The following C2orf49 variants were observed in gnomAD, a reference collection of about 807,000 sequenced individuals.
C2orf49 encodes tRNA-splicing ligase complex subunit ASW.
Under a neutral mutation model 20.6 loss-of-function variants are expected in C2orf49, and 11 were observed. The observed-to-expected ratio is 0.53, with a 90% confidence interval of 0.34 to 0.88. The LOEUF is 0.88. C2orf49 is among the 40% of genes least tolerant of loss of function. The pLI, the probability that C2orf49 is intolerant of heterozygous loss-of-function variation, is 0.02. For synonymous variants in C2orf49, 134 were observed against 108.5 expected, an observed-to-expected ratio of 1.24 and a Z score of -1.46; for missense variants, 289 against 274.2, an observed-to-expected ratio of 1.05 and a Z score of -0.38.
In C2orf49 at chr2:105,342,834, C is replaced by A; in HGVS notation, c.267-14C>A. 6.3e-7 allele frequency: 1 copy of A among 1,594,204 alleles called. No individual in the cohort carries two copies. Among genetic ancestry groups the A allele is most frequent in the South Asian group, 1.1e-5 (1 of 89,400 alleles). On this transcript the variant is annotated splice_polypyrimidine_tract_variant and intron_variant, in intron 2 of 3. Coordinates refer to ENST00000258457, the MANE Select transcript of C2orf49 (RefSeq NM_024093.3). ...CAGATGGTATTTTTCAAGAGTGCATCTCTTTGATTTCAGGAGTAGCACTGT... is the reference window on the plus strand; with the variant it reads ...CAGATGGTATTTTTCAAGAGTGCATATCTTTGATTTCAGGAGTAGCACTGT...
At chr2:105,357,742 T>C in the C2orf49 span, 1 of 152,150 alleles carries the variant, frequency 6.6e-6, no homozygotes, top group Non-Finnish European at 1.5e-5. Flanking sequence ...TGATCCACAG[T>C]TGGTTGAATC....
the C2orf49 span, chr2:105,373,453 C>A: frequency 8.0e-7 from 1 of 1,250,310 alleles, no homozygotes; most frequent in Non-Finnish European, 1.2e-6. Context: ...ACTGGAAAGT[C>A]AACACGAGTG....
the C2orf49 span, among the ~76,000 whole-genome samples, chr2:105,368,528 G>T: frequency 6.6e-6 from 1 of 152,106 alleles, no homozygotes; most frequent in South Asian, 2.1e-4. Context: ...ATCCCATTTA[G>T]TAATTGCCTA....
chr2:105,341,825 TA>T (rs1679678331), intron 2 of C2orf49, among the ~76,000 whole-genome samples: 2 of 152,224 alleles, frequency 1.3e-5, no homozygotes, highest in Non-Finnish European at 2.9e-5. Context: ...GTGGCAGGGC[TA>T]AAATGTTCTT....
At chr2:105,352,883 G>A (rs1679972983), downstream of C2orf49, among the ~76,000 whole-genome samples, 1 of 152,092 alleles carries the variant, frequency 6.6e-6, no homozygotes, top group African/African-American at 2.4e-5. Context: ...ATTCCTTGAA[G>A]CCTAGAGAAA....
rs182863971 is a variant in C2orf49, at chr2:105,346,903, T to C, written c.*1532T>C. ...AGTTCTAGTTTCTACTGTTCTGCTA[T>C]GTGTTTCTAAGCAAGAGCAAAGGAT... On this transcript the variant is annotated 3_prime_UTR_variant, in exon 4 of 4. Coordinates refer to ENST00000258457, the MANE Select transcript of C2orf49 (RefSeq NM_024093.3). The C allele has an allele frequency of 6.6e-6, 1 of 152,374 alleles. No homozygotes were observed. Among genetic ancestry groups the C allele is most frequent in the East Asian group, 1.9e-4 (1 of 5,190 alleles). The allele number at this position is 152,374 out of a possible 1,614,324, so 9.4% of individuals were successfully genotyped here.
At chr2:105,351,802 T>C (rs577031122), downstream of C2orf49, among the ~76,000 whole-genome samples, 1 of 152,346 alleles carries the variant, frequency 6.6e-6, no homozygotes, top group Admixed American at 6.5e-5. Context: ...TGCTGATTGC[T>C]ACTGGGGTGT....
intron 1 of C2orf49, among the ~76,000 whole-genome samples, chr2:105,339,039 C>A (rs1679589923): frequency 6.6e-6 from 1 of 152,194 alleles, no homozygotes; most frequent in Non-Finnish European, 1.5e-5. Context: ...TGATGTACTG[C>A]TACTGTCGTC....
chr2:105,366,547 G>A, the C2orf49 span, among the ~76,000 whole-genome samples: 2 of 152,172 alleles, frequency 1.3e-5, no homozygotes, highest in African/African-American at 4.8e-5. Context: ...GACGCTGGAA[G>A]CTATAGCATA....
the C2orf49 span, among the ~76,000 whole-genome samples, chr2:105,356,281 C>T: frequency 6.6e-6 from 1 of 152,170 alleles, no homozygotes; most frequent in Non-Finnish European, 1.5e-5. Context: ...ATCCCAGCTA[C>T]TCAGGAGGCT....
In C2orf49 at chr2:105,340,492, G is replaced by A. The variant is rs1019487449; in HGVS notation, c.266+743G>A. Among the ~76,000 whole-genome samples, 4 of 152,150 alleles carry A rather than the reference G, an allele frequency of 2.6e-5. No individual in the cohort carries two copies. The South Asian group carries it at 8.3e-4, about 32-fold the overall frequency. ...CTACAATAGTAAATTTGGTGGGTTG[G>A]AGCATGCATGTATTTTGAAGATAGA... On this transcript the variant is annotated intron_variant, in intron 2 of 3. Transcript: ENST00000258457.
At chr2:105,367,662 CA>C in the C2orf49 span, 3 of 1,614,186 alleles carry the variant, frequency 1.9e-6, no homozygotes, top group Non-Finnish European at 2.5e-6. Context: ...CTCTTGGTTC[CA>C]ATTGGCTGCT....
chr2:105,350,098 C>G (rs977067468), downstream of C2orf49, among the ~76,000 whole-genome samples: 2 of 152,220 alleles, frequency 1.3e-5, no homozygotes, highest in Admixed American at 6.5e-5. Flanking sequence ...CTATCCCCCC[C>G]GGTCTAGCTG....
rs995868847 is a variant in C2orf49 at position 105,347,145 on chromosome 2, T to C, written c.*1774T>C. The C allele has an allele frequency of 6.3e-5, 6 of 95,922 alleles. No individual in the cohort carries two copies. Among genetic ancestry groups the C allele is most frequent in the African/African-American group, 3.3e-4 (6 of 18,314 alleles). 5.9% of individuals were successfully genotyped at this position (95,922 alleles called of 1,614,324 possible). ...TAATCATTCTGCCTTTATTCCAAAC[T>C]GTAAATCTGTACACATAAGATAAAA... On this transcript the variant is annotated 3_prime_UTR_variant, in exon 4 of 4. Transcript: ENST00000258457.
downstream of C2orf49, among the ~76,000 whole-genome samples, chr2:105,353,159 A>G (rs554904527): frequency 1.6e-4 from 24 of 152,148 alleles, no homozygotes; most frequent in Non-Finnish European, 2.9e-4. Context: ...AATCACTTCC[A>G]TAATAACTGC....
chr2:105,378,324 G>T, the C2orf49 span: 1 of 388,474 alleles, frequency 2.6e-6, no homozygotes. Flanking sequence ...TGCAAGACTT[G>T]GAGACCTTCT....
intron 2 of C2orf49, among the ~76,000 whole-genome samples, chr2:105,341,943 G>A (rs1679682242): frequency 1.3e-5 from 2 of 152,238 alleles, no homozygotes; most frequent in South Asian, 2.1e-4. Context: ...GTTGGGAGGC[G>A]GGCGGATTAC....
At chr2:105,384,508 T>C in the C2orf49 span, among the ~76,000 whole-genome samples, 1 of 152,054 alleles carries the variant, frequency 6.6e-6, no homozygotes, top group Non-Finnish European at 1.5e-5. Context: ...TCTCCCCAGT[T>C]TTTTTTGGGT....
At chr2:105,363,535 T>C in the C2orf49 span, 9 of 1,429,908 alleles carry the variant, frequency 6.3e-6, no homozygotes, top group Non-Finnish European at 7.6e-6. Context: ...CAGTCTCAGC[T>C]ACTGCCACTG....
Sources: gnomAD v4.1 joint callset for allele counts (sites outside exome capture counted in the v4.1 genomes callset) on GRCh38, gnomAD v4.1.1 for gene constraint, MANE v1.5 for transcripts, NCBI Gene and HGNC (gene_info 2026-07-23, HGNC 2026-07-21) for gene names.